The following PLBD1 variants were observed in gnomAD, a reference collection of about 807,000 sequenced individuals.
PLBD1 encodes lysosomal leucine aminopeptidase.
PLBD1 carries 60 observed loss-of-function variants against 63.0 expected under a neutral mutation model. The ratio of observed to expected loss-of-function variants is 0.95; its 90% CI spans 0.77 to 1.18. The LOEUF is 1.18. PLBD1 is among the 50% of genes most tolerant of loss of function. PLBD1 has a pLI of 0.00. For synonymous variants in PLBD1, 262 were observed against 248.0 expected (o/e 1.06, Z -0.53); for missense variants, 598 against 677.9 (o/e 0.88, Z 1.31).
At chr12:14,562,842 T>C (rs565369376) in intron 1 of PLBD1, among the ~76,000 whole-genome samples, 13 of 152,176 alleles carry the variant, frequency 8.5e-5, no homozygotes, top group Non-Finnish European at 1.3e-4. Context: ...GTTAATGCCT[T>C]ATAATGTGAA....
intron 6 of PLBD1, among the ~76,000 whole-genome samples, chr12:14,514,284 T>G (rs1945322276): frequency 6.6e-6 from 1 of 152,138 alleles, no homozygotes; most frequent in Non-Finnish European, 1.5e-5. Flanking sequence ...ATTCGTGTCT[T>G]GGGCTGGGAT....
At chr12:14,529,989 G>C (rs1168019666) in intron 6 of PLBD1, among the ~76,000 whole-genome samples, 2 of 152,192 alleles carry the variant, frequency 1.3e-5, no homozygotes, top group Non-Finnish European at 2.9e-5. Flanking sequence ...CTCTTTAAAA[G>C]GTGGATTCTA....
chr12:14,514,950 C>A (rs563617729), intron 6 of PLBD1, among the ~76,000 whole-genome samples: 2 of 152,130 alleles, frequency 1.3e-5, no homozygotes, highest in African/African-American at 4.8e-5. Flanking sequence ...TGAAACACTC[C>A]AGTGTTTTAT....
intron 2 of PLBD1, 108 bp downstream of exon 2, chr12:14,553,085 G>A: frequency 1.0e-6 from 1 of 1,003,102 alleles, no homozygotes; most frequent in South Asian, 1.5e-5. Flanking sequence ...GTGAACTCCA[G>A]CTACTCTTCA....
intron 8 of PLBD1, among the ~76,000 whole-genome samples, chr12:14,510,156 G>A (rs966992995): frequency 6.6e-6 from 1 of 152,136 alleles, no homozygotes; most frequent in Non-Finnish European, 1.5e-5. Context: ...ACCACAATTT[G>A]GAAGGCCGAC....
chr12:14,510,410 A>T (rs1032925807), intron 8 of PLBD1, among the ~76,000 whole-genome samples: 2 of 152,190 alleles, frequency 1.3e-5, no homozygotes, highest in African/African-American at 4.8e-5. Context: ...AATAAAAATT[A>T]AAATTAAAAA....
At chr12:14,509,763 G>T (rs1047771630) in intron 8 of PLBD1, among the ~76,000 whole-genome samples, 2 of 152,122 alleles carry the variant, frequency 1.3e-5, no homozygotes, top group East Asian at 3.8e-4. Flanking sequence ...CTCCTAACTA[G>T]TCTCTTTTCT....
chr12:14,525,246 T>C (rs935414449), intron 6 of PLBD1, among the ~76,000 whole-genome samples: 2 of 151,726 alleles, frequency 1.3e-5, no homozygotes, highest in Admixed American at 1.3e-4. Context: ...TGGGCAACAA[T>C]AGTGAAACTT....
At chr12:14,542,365 T>C (rs936740929) in intron 2 of PLBD1, 74 bp from the exon 3 acceptor site, 1 of 1,196,202 alleles carries the variant, frequency 8.4e-7, no homozygotes, top group Non-Finnish European at 1.2e-6. Context: ...AATTATTCAA[T>C]CATTTGGCTA....
intron 4 of PLBD1, among the ~76,000 whole-genome samples, chr12:14,539,679 G>A (rs1945549589): frequency 1.3e-5 from 2 of 151,096 alleles, no homozygotes; most frequent in South Asian, 2.1e-4. Context: ...CCAGCTACTC[G>A]GGAGGATGAG....
chr12:14,506,710 ATTTT>A (rs62676961), intron 9 of PLBD1, among the ~76,000 whole-genome samples: 1 of 146,522 alleles, frequency 6.8e-6, no homozygotes, highest in Non-Finnish European at 1.5e-5. Flanking sequence ...TTTACAGATG[ATTTT>A]TTTTTTTTCA....
intron 2 of PLBD1, among the ~76,000 whole-genome samples, chr12:14,543,079 A>T (rs1592005613): frequency 6.6e-6 from 1 of 152,106 alleles, no homozygotes; most frequent in Admixed American, 6.5e-5. Context: ...ATCCACTTAT[A>T]TTACTGGGAT....
At position 14,562,423 on chromosome 12, in the gene PLBD1, G is replaced by C. The variant is rs188644907; in HGVS notation, c.115+5159C>G. On this transcript the variant is annotated intron_variant, in intron 1 of 10. Coordinates refer to ENST00000240617, the MANE Select transcript of PLBD1 (RefSeq NM_024829.6). ...CACAGTGAGTTGAGATTGCAGCACT[G>C]CGGTCCAGCCTGAGTGACAGAGTGA... Among the ~76,000 whole-genome samples the C allele has an allele frequency of 6.8e-5, 10 of 146,752 alleles. No homozygotes were observed. The East Asian group carries it at 2.0e-3, about 29-fold the overall frequency.
chr12:14,526,008 T>TTGAG (rs3083809), intron 6 of PLBD1, among the ~76,000 whole-genome samples: 146,199 of 152,110 alleles, frequency 0.96, 70,438 homozygotes, highest in East Asian at 1. Context: ...GAAAGCCAAC[T>TTGAG]TATTAAAATA....
At chr12:14,511,165 C>A in intron 8 of PLBD1, 95 bp downstream of exon 8, 104 of 1,031,126 alleles carry the variant, frequency 1.0e-4, no homozygotes, top group East Asian at 1.7e-4. Flanking sequence ...ACCATACCCT[C>A]CCCCACCACA....
intron 1 of PLBD1, among the ~76,000 whole-genome samples, chr12:14,567,185 C>T (rs925974915): frequency 6.6e-6 from 1 of 152,172 alleles, no homozygotes; most frequent in African/African-American, 2.4e-5. Flanking sequence ...AAGCCAAAGT[C>T]AATGTAAATT....
intron 10 of PLBD1, among the ~76,000 whole-genome samples, 165 bp downstream of exon 10, chr12:14,505,997 A>G (rs1945252023): frequency 6.6e-6 from 1 of 152,244 alleles, no homozygotes; most frequent in Admixed American, 6.5e-5. Flanking sequence ...CAGGGACTTG[A>G]AGTTAGATAA....
intron 6 of PLBD1, chr12:14,532,965 C>T (rs564402173): frequency 1.3e-5 from 2 of 152,300 alleles, no homozygotes; most frequent in East Asian, 3.9e-4. Flanking sequence ...AGGTTATCAG[C>T]ACCTGGTATA....
intron 2 of PLBD1, among the ~76,000 whole-genome samples, chr12:14,548,988 T>C (rs1300266963): frequency 6.6e-6 from 1 of 152,192 alleles, no homozygotes; most frequent in Non-Finnish European, 1.5e-5. Context: ...CGATCCATGA[T>C]TATTTAACAG....
Sources: gnomAD v4.1 joint callset for allele counts (sites outside exome capture counted in the v4.1 genomes callset) on GRCh38, gnomAD v4.1.1 for gene constraint, MANE v1.5 for transcripts, NCBI Gene and HGNC (gene_info 2026-07-23, HGNC 2026-07-21) for gene names.